Variants in TMEM130 observed in about 807,000 individuals in gnomAD.
TMEM130 encodes transmembrane protein 130.
In TMEM130, 37 loss-of-function variants were observed where a neutral mutation model predicts 42.9. The ratio of observed to expected loss-of-function variants is 0.86; its 90% CI spans 0.66 to 1.13. The LOEUF (loss-of-function observed/expected upper bound fraction) is 1.13. TMEM130 is among the 50% of genes most tolerant of loss of function. The pLI is 0.00. For missense variants in TMEM130, 545 were observed against 562.6 expected, an observed-to-expected ratio of 0.97 and a Z score of 0.32; for synonymous variants, 259 against 237.7, an observed-to-expected ratio of 1.09 and a Z score of -0.82.
At chr7:98,865,931 A>C (rs1414895470) in intron 1 of TMEM130, 1 of 175,358 alleles carries the variant, frequency 5.7e-6, no homozygotes, top group Non-Finnish European at 1.2e-5. Context: ...AGGTCCCCCC[A>C]CAAGTCCCCC....
At chr7:98,850,898 T>C (rs1217394221) in intron 6 of TMEM130, among the ~76,000 whole-genome samples, 1 of 152,072 alleles carries the variant, frequency 6.6e-6, no homozygotes, top group African/African-American at 2.4e-5. Context: ...TGGGGACGTG[T>C]GGTCTTGGAA....
chr7:98,851,080 G>A (rs1381330221), intron 6 of TMEM130, among the ~76,000 whole-genome samples: 1 of 152,134 alleles, frequency 6.6e-6, no homozygotes, highest in African/African-American at 2.4e-5. Flanking sequence ...AGAGTTGTCA[G>A]GAAAGCATAT....
At position 98,869,346 on chromosome 7, in the gene TMEM130, T is replaced by C; in HGVS notation, c.85+431A>G. ...GAAACCCCTCTAGATGAGGCGACAT[T>C]TTAAGGCAAAAACGTTGCCCATCCC... On this transcript the variant is annotated intron_variant, in intron 1 of 7. Transcript: ENST00000339375. This position sits in a 1 kb window ranked among gnomAD's most constrained non-coding sequence, Gnocchi z 4.7. The C allele has an allele frequency of 1.6e-6, 2 of 1,222,796 alleles. No homozygotes were observed. The highest frequency in any genetic ancestry group is 1.6e-5 in the African/African-American group (1 of 62,498). 75.7% of individuals were successfully genotyped at this position (1,222,796 alleles called of 1,614,324 possible).
chr7:98,855,949 T>C, intron 4 of TMEM130, 68 bp downstream of exon 4: 1 of 1,553,558 alleles, frequency 6.4e-7, no homozygotes, highest in South Asian at 1.2e-5. Context: ...CCAGAGCCAC[T>C]GTGATCTGTG....
Position 98,847,784 on chromosome 7 carries a change from C to T in TMEM130, c.*272G>A, listed in dbSNP as rs929397170. On this transcript the variant is annotated 3_prime_UTR_variant, in exon 8 of 8. Coordinates refer to ENST00000339375, the MANE Select transcript of TMEM130 (RefSeq NM_152913.3). ...ACACCCCAAGCATCAAAGTCCTGCA[C>T]GAAGCCTCTTCAAAGGTAGGGGGTC... The T allele has an allele frequency of 1.5e-4, 49 of 318,598 alleles. No homozygotes were observed. Among genetic ancestry groups the T allele is most frequent in the African/African-American group, 9.2e-4 (43 of 46,876 alleles). 19.7% of individuals were successfully genotyped at this position (318,598 alleles called of 1,614,324 possible).
At chr7:98,863,654 C>CTCCTTCCTCCTTCCCTCCT (rs529762893) in intron 1 of TMEM130, among the ~76,000 whole-genome samples, 10 of 141,382 alleles carry the variant, frequency 7.1e-5, no homozygotes, top group African/African-American at 2.1e-4. Context: ...TCTTCCTTCC[C>CTCCTTCCTCCTTCCCTCCT]TCCTTCCTCC....
At chr7:98,866,432 C>T (rs782380349) in intron 1 of TMEM130, 9 of 152,252 alleles carry the variant, frequency 5.9e-5, no homozygotes, top group Admixed American at 4.6e-4. Context: ...TCCCGTGTTC[C>T]CTGGGGGCTG....
chr7:98,853,422 G>A, intron 5 of TMEM130, among the ~76,000 whole-genome samples: 1 of 152,148 alleles, frequency 6.6e-6, no homozygotes, highest in East Asian at 1.9e-4. Flanking sequence ...GAGGTCAGGA[G>A]TTTGAAACCA....
At chr7:98,851,332 G>A (rs1201396694) in intron 6 of TMEM130, 89 bp downstream of exon 6, 5 of 1,357,488 alleles carry the variant, frequency 3.7e-6, no homozygotes, top group Non-Finnish European at 5.2e-6. Context: ...GGTAAGGCTG[G>A]CTGGTAGGAG....
At position 98,869,263 on chromosome 7, in the gene TMEM130, A is replaced by G; in HGVS notation, c.85+514T>C. 1 of 1,288,910 alleles carries G rather than the reference A, an allele frequency of 7.8e-7. No individual in the cohort carries two copies. The highest frequency in any genetic ancestry group is 1.2e-5 in the South Asian group (1 of 80,972). 79.8% of individuals were successfully genotyped at this position (1,288,910 alleles called of 1,614,324 possible). A position where few individuals can be genotyped will look rare whatever the true frequency, so the allele number is the denominator to read the frequency against. ...AAATCACCACCAGAGAGGAAATGGC[A>G]GCCTGGCCTCCTGGGCTCTAAATTC... On this transcript the variant is annotated intron_variant, in intron 1 of 7. Transcript: ENST00000339375. The surrounding 1 kb of genome is among the most constrained non-coding windows in gnomAD (Gnocchi z 4.7).
In TMEM130 at chr7:98,865,131, C is replaced by G. The variant is rs139968091; in HGVS notation, c.86-1731G>C. ...GTTTGGTACTGCTGTTGCCAAGGGG[C>G]ACCCGGAGAGCAGGTGCAGCAGAGG... On this transcript the variant is annotated intron_variant, in intron 1 of 7. Transcript: ENST00000339375. Among the ~76,000 whole-genome samples, 235 of 152,352 alleles carry G rather than the reference C, an allele frequency of 1.5e-3. 1 individual carries two copies. Among genetic ancestry groups the G allele is most frequent in the African/African-American group, 5.4e-3 (225 of 41,596 alleles).
At position 98,855,443 on chromosome 7, in the gene TMEM130, G is replaced by A. The variant is rs149437139; in HGVS notation, c.719-119C>T. The A allele has an allele frequency of 3.8e-4, 344 of 895,896 alleles. 2 individuals carry two copies. In the African/African-American group the frequency reaches 4.9e-3, roughly 13 times the overall value. 55.5% of individuals were successfully genotyped at this position (895,896 alleles called of 1,614,324 possible). On this transcript the variant is annotated intron_variant, in intron 4 of 7. Coordinates refer to ENST00000339375, the MANE Select transcript of TMEM130 (RefSeq NM_152913.3). ...CCCCTCCGTCCCTCTCCTAAGAGCA[G>A]GCCACAGGTCTGTGCGGGGTTCCTC...
In TMEM130 at chr7:98,864,634, C is replaced by A. The variant is rs137992178; in HGVS notation, c.86-1234G>T. Among the ~76,000 whole-genome samples the A allele has an allele frequency of 1.5e-3, 235 of 152,146 alleles. 1 individual carries two copies. Among genetic ancestry groups the A allele is most frequent in the African/African-American group, 5.4e-3 (225 of 41,526 alleles). On this transcript the variant is annotated intron_variant, in intron 1 of 7. Transcript: ENST00000339375. The stretch of plus-strand genomic sequence containing the variant: ...CAGCTGTTGGCCAGGCATCATGGCT[C>A]ATGCCTGTAACCCCAGCACTTTGGG...
At chr7:98,858,558 G>C (rs782760901) in intron 3 of TMEM130, among the ~76,000 whole-genome samples, 5 of 151,310 alleles carry the variant, frequency 3.3e-5, no homozygotes, top group Non-Finnish European at 5.9e-5. Flanking sequence ...TGGAGGGCGG[G>C]GGGTGAGGAA....
At chr7:98,862,981 AATCCCCCAGAACCTACGGGC>A (rs1794819738) in intron 2 of TMEM130, 94 bp downstream of exon 2, 1 of 1,139,996 alleles carries the variant, frequency 8.8e-7, no homozygotes, top group African/African-American at 3.9e-5. Context: ...CTACGGGCCT[AATCCCCCAGAACCTACGGGC>A]CTAATCTGCA....
chr7:98,863,244 A>G lies in TMEM130; in HGVS notation c.242T>C (p.Leu81Pro), dbSNP rs781849935. 1.2e-6 allele frequency: 2 copies of G among 1,614,092 alleles called. No individual in the cohort carries two copies. Among genetic ancestry groups the G allele is most frequent in the South Asian group, 2.2e-5 (2 of 91,078 alleles). Residue 81 changes from leucine (L) to proline (P), a missense_variant, in exon 2 of 8, where the codon CTT becomes CCT. Transcript: ENST00000339375. ...RFHWIHTPLV[L>P]TGKMEKGLSS... is the part of the protein sequence containing the mutation. ...GAGACCCTTCTCCATCTTGCCAGTAAGCACCAGCGGGGTGTGGATCCAGTG... is the reference window on the plus strand; with the variant it reads ...GAGACCCTTCTCCATCTTGCCAGTAGGCACCAGCGGGGTGTGGATCCAGTG...
In TMEM130 at chr7:98,856,071, T is replaced by C. The variant is rs1554398959; in HGVS notation, c.664A>G (p.Thr222Ala). 45 of 1,613,760 alleles carry C rather than the reference T, an allele frequency of 2.8e-5. No individual in the cohort carries two copies. Among genetic ancestry groups the C allele is most frequent in the Non-Finnish European group, 3.7e-5 (44 of 1,180,046 alleles). Residue 222 changes from threonine (T) to alanine (A), a missense_variant, in exon 4 of 8, where the codon ACG (threonine) becomes GCG (alanine). Transcript: ENST00000339375. ...CCGGTCTTCTGCTTCACAGCCCTCG[T>C]GGCATCCGGCTCCACCTCTTCCCAC... The part of the protein sequence containing the change: ...AEWEEVEPDA[T>A]RAVKQKTGDF...
chr7:98,849,187 A>G (rs537542501), intron 6 of TMEM130, among the ~76,000 whole-genome samples: 10 of 152,310 alleles, frequency 6.6e-5, no homozygotes, highest in African/African-American at 2.2e-4. Flanking sequence ...GGCTCACCCA[A>G]TAAACCTGTT....
At chr7:98,851,187 A>AGTTG (rs1794493620) in intron 6 of TMEM130, among the ~76,000 whole-genome samples, 1 of 151,988 alleles carries the variant, frequency 6.6e-6, no homozygotes, top group African/African-American at 2.4e-5. Context: ...GGGTTGACAG[A>AGTTG]GTTGGTTGCT....
Sources: allele counts gnomAD v4.1 joint callset (sites outside exome capture counted in the v4.1 genomes callset), GRCh38; gene constraint gnomAD v4.1.1; non-coding constraint Gnocchi (gnomAD v3.1); transcripts MANE v1.5; gene names NCBI Gene and HGNC (gene_info 2026-07-23, HGNC 2026-07-21).